SMOC2: variants seen among roughly 807,000 people sequenced by gnomAD.
The protein encoded by SMOC2 is SPARC-related modular calcium-binding protein 2.
A neutral mutation model predicts 61.4 loss-of-function variants in SMOC2; 39 were observed. The observed-to-expected ratio is 0.64, with a 90% CI of 0.49 to 0.83. The LOEUF is 0.83. SMOC2 is among the 40% of genes least tolerant of loss of function. The pLI, the probability that SMOC2 is intolerant of heterozygous loss-of-function variation, is 0.00. For synonymous variants in SMOC2, 247 were observed against 239.9 expected, an observed-to-expected ratio of 1.03 and a Z score of -0.27; for missense variants, 556 against 592.9, an observed-to-expected ratio of 0.94 and a Z score of 0.65.
chr6:168,495,614 G>A (rs1001754768), intron 1 of SMOC2, among the ~76,000 whole-genome samples: 3 of 152,160 alleles, frequency 2.0e-5, no homozygotes, highest in Non-Finnish European at 4.4e-5. Flanking sequence ...AGAAAGCCCA[G>A]GTGACTCCTC....
chr6:168,636,977 T>C, intron 9 of SMOC2, among the ~76,000 whole-genome samples: 1 of 120,060 alleles, frequency 8.3e-6, no homozygotes, highest in African/African-American at 3.3e-5. Context: ...TCCCTCCTGC[T>C]TTCCTCCCTC....
chr6:168,531,181 G>A (rs1266016764), intron 4 of SMOC2, among the ~76,000 whole-genome samples: 4 of 152,138 alleles, frequency 2.6e-5, no homozygotes, highest in African/African-American at 4.8e-5. Context: ...GCAGGGCCAC[G>A]GTTGCTTGCA....
At chr6:168,464,049 A>G (rs969398580) in intron 1 of SMOC2, among the ~76,000 whole-genome samples, 2 of 151,924 alleles carry the variant, frequency 1.3e-5, no homozygotes, top group African/African-American at 4.8e-5. Context: ...AAATTCGCCA[A>G]GTGTGGTGGT....
chr6:168,490,494 C>T (rs970790032), intron 1 of SMOC2, among the ~76,000 whole-genome samples: 10 of 152,294 alleles, frequency 6.6e-5, no homozygotes, highest in African/African-American at 1.9e-4. Flanking sequence ...ATGGCCTGCA[C>T]GCCCACCCAT....
intron 7 of SMOC2, among the ~76,000 whole-genome samples, chr6:168,559,233 A>C (rs966391458): frequency 3.3e-5 from 5 of 152,108 alleles, no homozygotes; most frequent in African/African-American, 1.2e-4. Flanking sequence ...AGGTGGGTGG[A>C]TCACCTGAGG....
intron 11 of SMOC2, among the ~76,000 whole-genome samples, chr6:168,661,556 C>T (rs1023757285): frequency 3.3e-5 from 5 of 152,038 alleles, no homozygotes; most frequent in South Asian, 4.1e-4. Context: ...GAGCTGAGAT[C>T]GCGCCACTGC....
chr6:168,495,838 C>T (rs1782575953), intron 1 of SMOC2, among the ~76,000 whole-genome samples: 1 of 152,142 alleles, frequency 6.6e-6, no homozygotes, highest in Non-Finnish European at 1.5e-5. Context: ...GGTGGCTTCA[C>T]CCACCTGCAC....
chr6:168,603,157 G>A (rs1363143914), intron 8 of SMOC2, among the ~76,000 whole-genome samples: 1 of 151,880 alleles, frequency 6.6e-6, no homozygotes, highest in African/African-American at 2.4e-5. Context: ...CCTGTGAAAG[G>A]GTGCCTGCGT....
At chr6:168,628,705 C>T (rs1786484776) in intron 9 of SMOC2, among the ~76,000 whole-genome samples, 1 of 152,274 alleles carries the variant, frequency 6.6e-6, no homozygotes, top group Non-Finnish European at 1.5e-5. Context: ...GATTACTAAA[C>T]TGTGCGTGGT....
intron 4 of SMOC2, among the ~76,000 whole-genome samples, chr6:168,528,430 G>C (rs1308135766): frequency 6.6e-6 from 1 of 152,156 alleles, no homozygotes; most frequent in South Asian, 2.1e-4. Context: ...TATGTATTAA[G>C]ATAGTCAAAA....
intron 7 of SMOC2, among the ~76,000 whole-genome samples, chr6:168,583,671 C>T (rs982209539): frequency 2.6e-5 from 4 of 152,200 alleles, no homozygotes; most frequent in East Asian, 1.9e-4. Flanking sequence ...GAGCCTCCCC[C>T]GCCTCTTGCT....
intron 1 of SMOC2, among the ~76,000 whole-genome samples, chr6:168,499,253 G>A (rs746270374): frequency 2.9e-4 from 44 of 152,228 alleles, no homozygotes; most frequent in Non-Finnish European, 3.4e-4. Context: ...GCATGCTGCC[G>A]CTGAGAGCCA....
intron 7 of SMOC2, among the ~76,000 whole-genome samples, chr6:168,579,891 GT>G (rs2115156543): frequency 6.6e-6 from 1 of 152,330 alleles, no homozygotes; most frequent in Admixed American, 6.5e-5. Flanking sequence ...CAAAGCTTAT[GT>G]TGGTGTGGTT....
intron 1 of SMOC2, among the ~76,000 whole-genome samples, chr6:168,459,610 G>A (rs1781672726): frequency 7.3e-6 from 1 of 136,468 alleles, no homozygotes; most frequent in Admixed American, 7.2e-5. Context: ...GCACTGGGGT[G>A]GGTGAGCCCT....
intron 9 of SMOC2, among the ~76,000 whole-genome samples, chr6:168,641,183 A>G (rs1786882650): frequency 6.6e-6 from 1 of 152,130 alleles, no homozygotes; most frequent in African/African-American, 2.4e-5. Flanking sequence ...TTGGCAAAAT[A>G]CTGATTGCAC....
intron 1 of SMOC2, among the ~76,000 whole-genome samples, chr6:168,485,354 T>TA (rs965983652): frequency 8.7e-4 from 132 of 151,816 alleles, no homozygotes; most frequent in African/African-American, 2.6e-3. Context: ...GCAAAAGTCC[T>TA]AAAAAAAACA....
chr6:168,527,884 C>T (rs1783493210), intron 4 of SMOC2, among the ~76,000 whole-genome samples, 157 bp downstream of exon 4: 1 of 152,242 alleles, frequency 6.6e-6, no homozygotes, highest in Non-Finnish European at 1.5e-5. Flanking sequence ...ACTGACAAAG[C>T]CTACATTTTA....
intron 1 of SMOC2, among the ~76,000 whole-genome samples, chr6:168,445,146 G>A (rs909195359): frequency 2.0e-4 from 30 of 152,286 alleles, no homozygotes; most frequent in African/African-American, 6.5e-4. Context: ...AAGCAGATCC[G>A]AATATTTCTC....
In SMOC2 at chr6:168,509,920, G is replaced by C. The variant is rs1392425701; in HGVS notation, c.90G>C (p.Leu30Phe). 2 of 1,592,468 alleles carry C rather than the reference G, an allele frequency of 1.3e-6. No individual in the cohort carries two copies. The highest frequency in any genetic ancestry group is 2.7e-5 in the African/African-American group (2 of 74,492). Residue 30 changes from leucine (L) to phenylalanine (F), a missense_variant, in exon 2 of 13, where the codon TTG (leucine) becomes TTC (phenylalanine). Leu to Phe is a conservative substitution (Grantham distance 22). Coordinates refer to ENST00000356284, the MANE Select transcript of SMOC2 (RefSeq NM_001166412.2). Reference sequence around the variant, plus strand: ...TTCTTTTTTTCTCCTTTAAGTTTTTGAGAGTGGATCAAGATAAAGACAAGG... The same window carrying C: ...TTCTTTTTTTCTCCTTTAAGTTTTTCAGAGTGGATCAAGATAAAGACAAGG... The part of the protein sequence containing the change: ...PAQKFSALTF[L>F]RVDQDKDKDC...
Sources: allele counts gnomAD v4.1 joint callset (sites outside exome capture counted in the v4.1 genomes callset), GRCh38; gene constraint gnomAD v4.1.1; transcripts MANE v1.5; gene names NCBI Gene and HGNC (gene_info 2026-07-23, HGNC 2026-07-21).